The following DPYSL2 variants were observed in gnomAD, a reference collection of about 807,000 sequenced individuals.
DPYSL2 encodes dihydropyrimidinase-related protein 2.
DPYSL2 carries 13 observed loss-of-function variants against 69.9 expected under a neutral mutation model. The ratio of observed to expected loss-of-function variants is 0.19; its 90% CI spans 0.12 to 0.30. The LOEUF (loss-of-function observed/expected upper bound fraction) is 0.30, where lower values mean the gene tolerates loss of function less well. Ranked by LOEUF, DPYSL2 falls within the 10% of genes least tolerant of loss-of-function variation. The probability of loss-of-function intolerance (pLI) is 1.00; values close to 1 mark genes in which losing one functional copy is unlikely to be tolerated. For missense variants in DPYSL2, 587 were observed against 918.9 expected (o/e 0.64, Z 4.67); for synonymous variants, 326 against 359.1 (o/e 0.91, Z 1.04).
intron 1 of DPYSL2, among the ~76,000 whole-genome samples, chr8:26,581,616 C>T (rs561353263): frequency 2.6e-5 from 4 of 152,164 alleles, no homozygotes; most frequent in South Asian, 2.1e-4. Context: ...TCAGGTGATC[C>T]GCCCATCTTG....
rs1249171784 is a variant in DPYSL2, at chr8:26,585,220, A to C, written c.628+1237A>C. ...TAGAAAGAACTTAGCTGTTTCTGCTATAGAAAAACCTTTCTTACTGGTTAT... is the reference window on the plus strand; with the variant it reads ...TAGAAAGAACTTAGCTGTTTCTGCTCTAGAAAAACCTTTCTTACTGGTTAT... On this transcript the variant is annotated intron_variant, in intron 3 of 13. Transcript: ENST00000521913. This position sits in a 1 kb window ranked among gnomAD's most constrained non-coding sequence, Gnocchi z 4.0. Among the ~76,000 whole-genome samples, 1 of 152,194 alleles carries C rather than the reference A, an allele frequency of 6.6e-6. No individual in the cohort carries two copies. The highest frequency in any genetic ancestry group is 1.5e-5 in the Non-Finnish European group (1 of 68,028).
chr8:26,645,867 C>CT (rs1186863550), intron 10 of DPYSL2, among the ~76,000 whole-genome samples: 114 of 147,234 alleles, frequency 7.7e-4, no homozygotes, highest in East Asian at 5.9e-3. Context: ...ACTTATAATT[C>CT]TTTTTTTTTG....
intron 8 of DPYSL2, among the ~76,000 whole-genome samples, chr8:26,636,378 TG>T (rs2129948360): frequency 6.6e-6 from 1 of 152,278 alleles, no homozygotes; most frequent in South Asian, 2.1e-4. Flanking sequence ...GTTGGCATAG[TG>T]TCTGAAAGGG....
rs1450092504 is a variant in DPYSL2 at position 26,622,162 on chromosome 8, T to TCC, written c.629-1980_629-1979insCC. ...CCTTCCTTCCTTCCTTCCTTCCCTC[T>TCC]CTCTCTCTTTCTTTCTTTCTTTCTT... On this transcript the variant is annotated intron_variant, in intron 3 of 13. Transcript: ENST00000521913. Among the ~76,000 whole-genome samples, 10 of 53,138 alleles carry TCC rather than the reference T, an allele frequency of 1.9e-4. 1 individual carries two copies. Among genetic ancestry groups the TCC allele is most frequent in the Non-Finnish European group, 4.2e-4 (10 of 23,632 alleles). 34.9% of individuals were successfully genotyped at this position (53,138 alleles called of 152,430 possible).
Position 26,647,821 on chromosome 8 carries a change from A to G in DPYSL2, c.1596+21A>G, listed in dbSNP as rs773166223. 6.3e-7 allele frequency: 1 copy of G among 1,591,148 alleles called. No individual in the cohort carries two copies. The highest frequency in any genetic ancestry group is 2.3e-5 in the East Asian group (1 of 44,018). On this transcript the variant is annotated intron_variant, in intron 11 of 13. Transcript: ENST00000521913. This position sits in a 1 kb window ranked among gnomAD's most constrained non-coding sequence, Gnocchi z 5.1. The stretch of plus-strand genomic sequence containing the variant: ...ACAGCGTAAGACCTGTTAACTGTGC[A>G]GACCCCATCCAAACGAATTACAGTC...
intron 7 of DPYSL2, among the ~76,000 whole-genome samples, chr8:26,630,643 A>T (rs991119828): frequency 3.3e-5 from 5 of 152,130 alleles, no homozygotes; most frequent in Non-Finnish European, 7.4e-5. Flanking sequence ...GCATGGCTGT[A>T]TTCAGGGAGC....
chr8:26,593,517 CTGT>C lies in DPYSL2; in HGVS notation c.628+9537_628+9539del, dbSNP rs1420053488. Among the ~76,000 whole-genome samples the C allele has an allele frequency of 6.6e-6, 1 of 152,226 alleles. No homozygotes were observed. The highest frequency in any genetic ancestry group is 2.4e-5 in the African/African-American group (1 of 41,454). On this transcript the variant is annotated intron_variant, in intron 3 of 13. Coordinates refer to ENST00000521913, the MANE Select transcript of DPYSL2 (RefSeq NM_001197293.3). The surrounding 1 kb of genome is among the most constrained non-coding windows in gnomAD (Gnocchi z 5.7). ...TCTTCACGAAGGGAGTGGGATCACA[CTGT>C]TGCTATCTGGCCAGGGTGGAGTCTA...
At chr8:26,623,923 G>A in intron 3 of DPYSL2, 1 of 549,828 alleles carries the variant, frequency 1.8e-6, no homozygotes, top group Non-Finnish European at 3.3e-6. Context: ...TGCATGTGTG[G>A]TTTCGCTGGA....
chr8:26,637,161 A>G (rs992262501), intron 8 of DPYSL2, among the ~76,000 whole-genome samples: 5 of 152,200 alleles, frequency 3.3e-5, no homozygotes, highest in African/African-American at 9.6e-5. Flanking sequence ...TGCCCACACC[A>G]TGGTTCCCAG....
At chr8:26,613,297 C>T (rs1802277461) in intron 3 of DPYSL2, among the ~76,000 whole-genome samples, 1 of 152,238 alleles carries the variant, frequency 6.6e-6, no homozygotes, top group Admixed American at 6.5e-5. Context: ...TACCCACAGT[C>T]TCCAGCTCTG....
chr8:26,603,388 G>T (rs1342882098), intron 3 of DPYSL2, among the ~76,000 whole-genome samples: 1 of 152,190 alleles, frequency 6.6e-6, no homozygotes, highest in African/African-American at 2.4e-5. Flanking sequence ...GGCCAGGCTG[G>T]TCTCGAACTC....
In DPYSL2 at chr8:26,547,760, A is replaced by C. The variant is rs556318236; in HGVS notation, c.354+33081A>C. The C allele has an allele frequency of 1.0e-5, 3 of 289,778 alleles. No individual in the cohort carries two copies. The South Asian group carries it at 1.1e-4, about 10-fold the overall frequency. The allele number at this position is 289,778 out of a possible 1,614,324, so 18.0% of individuals were successfully genotyped here. On this transcript the variant is annotated intron_variant, in intron 1 of 13. Transcript: ENST00000521913. Reference sequence around the variant, plus strand: ...AGCGGGAAGGCCTGCAAGCAGGCGGAGGTCTTCAGGCAAAATCTTTTCCAG... The same window carrying C: ...AGCGGGAAGGCCTGCAAGCAGGCGGCGGTCTTCAGGCAAAATCTTTTCCAG...
intron 1 of DPYSL2, among the ~76,000 whole-genome samples, chr8:26,536,386 A>C (rs565772667): frequency 1.3e-5 from 2 of 152,100 alleles, no homozygotes; most frequent in South Asian, 4.2e-4. Context: ...AAAGTAAATT[A>C]TAGGCCAGGC....
In DPYSL2 at chr8:26,655,621, A is replaced by G; in HGVS notation, c.1949A>G (p.Gln650Arg). The change falls in exon 14 of 14, where the codon CAG (glutamine) becomes CGG (arginine). Residue 650 changes from glutamine to arginine, a missense_variant. By Grantham distance (43) the Gln-to-Arg change is conservative. This residue lies in a region of DPYSL2 where 452 missense variants were observed against 754.3 expected (regional missense o/e 0.60). Coordinates refer to ENST00000521913, the MANE Select transcript of DPYSL2 (RefSeq NM_001197293.3). ...TCTTCTCCTCTCCCTCCAGGTGCTC[A>G]GATTGATGACAACATTCCCCGCCGC... is the stretch of plus-strand genomic sequence containing the variant. Reference protein sequence around the residue: ...HQSGFSLSGAQIDDNIPRRTT... With the variant: ...HQSGFSLSGARIDDNIPRRTT... The G allele has an allele frequency of 6.2e-7, 1 of 1,607,454 alleles. No individual in the cohort carries two copies. The highest frequency in any genetic ancestry group is 8.5e-7 in the Non-Finnish European group (1 of 1,176,324).
intron 7 of DPYSL2, among the ~76,000 whole-genome samples, chr8:26,633,052 A>G (rs984136440): frequency 6.6e-6 from 1 of 152,242 alleles, no homozygotes; most frequent in African/African-American, 2.4e-5. Flanking sequence ...AAGGTAACCA[A>G]TTCAGTTATA....
At chr8:26,534,788 A>G (rs1278445943) in intron 1 of DPYSL2, among the ~76,000 whole-genome samples, 1 of 152,046 alleles carries the variant, frequency 6.6e-6, no homozygotes, top group African/African-American at 2.4e-5. Context: ...ATCGGCCACC[A>G]TGCCAGGCTA....
At chr8:26,632,146 T>C (rs1802790593) in intron 7 of DPYSL2, among the ~76,000 whole-genome samples, 1 of 152,172 alleles carries the variant, frequency 6.6e-6, no homozygotes, top group Admixed American at 6.5e-5. Context: ...TTTTCCCTCG[T>C]TTTCCACCCA....
At position 26,588,173 on chromosome 8, in the gene DPYSL2, G is replaced by A. The variant is rs2129758710; in HGVS notation, c.628+4190G>A. 6.6e-6 allele frequency among the ~76,000 whole-genome samples: 1 copy of A among 152,306 alleles called. No homozygotes were observed. Among genetic ancestry groups the A allele is most frequent in the Non-Finnish European group, 1.5e-5 (1 of 68,026 alleles). On this transcript the variant is annotated intron_variant, in intron 3 of 13. Transcript: ENST00000521913. This position sits in a 1 kb window ranked among gnomAD's most constrained non-coding sequence, Gnocchi z 5.4. The stretch of plus-strand genomic sequence containing the variant: ...GGGTACTGACACCCTCCCATCTCTT[G>A]TACACTGAGCTCTACTCTCCCCCGC...
At chr8:26,618,102 T>C (rs114085611) in intron 3 of DPYSL2, among the ~76,000 whole-genome samples, 200 of 152,258 alleles carry the variant, frequency 1.3e-3, no homozygotes, top group African/African-American at 4.5e-3. Flanking sequence ...AGAGACTGCT[T>C]GTAACTTGCA....
Sources: gnomAD v4.1 joint callset for allele counts (sites outside exome capture counted in the v4.1 genomes callset) on GRCh38, gnomAD v4.1.1 for gene constraint, gnomAD v4.1.1 regional missense constraint, Gnocchi (gnomAD v3.1) non-coding constraint, MANE v1.5 for transcripts, NCBI Gene and HGNC (gene_info 2026-07-23, HGNC 2026-07-21) for gene names.